The following OPHN1 variants were observed in gnomAD, a reference collection of about 807,000 sequenced individuals.
The protein encoded by OPHN1 is oligophrenin 1.
In OPHN1, 11 loss-of-function variants were observed where a neutral mutation model predicts 60.7. The observed-to-expected ratio is 0.18, with a 90% CI of 0.11 to 0.30. The LOEUF (loss-of-function observed/expected upper bound fraction) is 0.30, where lower values mean the gene tolerates loss of function less well. Ranked by LOEUF, OPHN1 falls within the 10% of genes least tolerant of loss-of-function variation. OPHN1 has a pLI of 1.00. For missense variants in OPHN1, 449 were observed against 611.0 expected (o/e 0.73, Z 2.80); for synonymous variants, 226 against 222.6 (o/e 1.02, Z -0.14).
intron 11 of OPHN1, among the ~76,000 whole-genome samples, chrX:68,198,861 C>T (rs1240547309): frequency 9.0e-6 from 1 of 111,589 alleles, no homozygotes; most frequent in Non-Finnish European, 1.9e-5. Context: ...GGGTTCCTGT[C>T]CTACCTTCTC....
chrX:68,205,300 T>C (rs1253659434), intron 10 of OPHN1, among the ~76,000 whole-genome samples: 1 of 110,234 alleles, frequency 9.1e-6, no homozygotes, highest in African/African-American at 3.3e-5. Context: ...ATACAAAAAT[T>C]AGCTGGGTGT....
Position 68,064,157 on chromosome X carries a change from G to A in OPHN1, c.1855C>T (p.Pro619Ser). ...ATGCTGCTGGTGATAGTACCATTCG[G>A]TGTTTGATGTTGGATTTCATCTAGG... ...ESEDEIQHQT[P>S]NGTITSSIEP... is the part of the protein sequence containing the mutation. The change falls in exon 21 of 25, where the codon CCG (proline) becomes TCG (serine). Residue 619 changes from proline to serine, a missense_variant. Pro to Ser is a moderately conservative substitution (Grantham distance 74, BLOSUM62 -1). Coordinates refer to ENST00000355520, the MANE Select transcript of OPHN1 (RefSeq NM_002547.3). 1 of 1,211,300 alleles carries A rather than the reference G, an allele frequency of 8.3e-7. No homozygotes were observed. Among genetic ancestry groups the A allele is most frequent in the Non-Finnish European group, 1.1e-6 (1 of 895,250 alleles).
chrX:68,244,014 G>A (rs749170892), intron 5 of OPHN1, among the ~76,000 whole-genome samples: 1 of 112,092 alleles, frequency 8.9e-6, no homozygotes, highest in Non-Finnish European at 1.9e-5. Flanking sequence ...CACTGTGCTT[G>A]GGATAAAATC....
At chrX:68,285,716 T>C (rs1015527845) in intron 3 of OPHN1, among the ~76,000 whole-genome samples, 6 of 110,945 alleles carry the variant, frequency 5.4e-5, no homozygotes, top group African/African-American at 2.0e-4. Context: ...CATTATTCTT[T>C]ATTTCCCTCA....
intron 2 of OPHN1, among the ~76,000 whole-genome samples, chrX:68,375,314 G>A (rs999903731): frequency 3.6e-5 from 4 of 111,358 alleles, no homozygotes; most frequent in African/African-American, 6.5e-5. Context: ...CAAACATAGC[G>A]AGAACTGGTC....
At chrX:68,159,927 C>A (rs948120788) in intron 15 of OPHN1, among the ~76,000 whole-genome samples, 11 of 107,994 alleles carry the variant, frequency 1.0e-4, no homozygotes, top group African/African-American at 3.7e-4. Flanking sequence ...GCACCCATGC[C>A]AATAATGACA....
intron 18 of OPHN1, among the ~76,000 whole-genome samples, chrX:68,111,380 C>T (rs2077103350): frequency 8.9e-6 from 1 of 112,571 alleles, no homozygotes; most frequent in South Asian, 3.7e-4. Context: ...CTGTCTGTTA[C>T]TGCCAGCCAC....
rs12381956 is a variant in OPHN1 at position 68,327,806 on chromosome X, A to T, written c.155-28710T>A. 9.2e-3 allele frequency among the ~76,000 whole-genome samples: 663 copies of T among 72,069 alleles called. 16 individuals are homozygous for T. The highest frequency in any genetic ancestry group is 0.029 in the South Asian group (55 of 1,918). 62.6% of individuals were successfully genotyped at this position (72,069 alleles called of 115,157 possible). A position where few individuals can be genotyped will look rare whatever the true frequency, so the allele number is the denominator to read the frequency against. On this transcript the variant is annotated intron_variant, in intron 2 of 24. Coordinates refer to ENST00000355520, the MANE Select transcript of OPHN1 (RefSeq NM_002547.3). ...TAAAAAATAAAAAAAATAAAAAAAA[A>T]AAAAAAAAAAATTTTAAACTTTTTT...
intron 6 of OPHN1, among the ~76,000 whole-genome samples, chrX:68,218,338 A>T (rs1411342653): frequency 9.5e-6 from 1 of 105,372 alleles, no homozygotes. Flanking sequence ...GAATGGAACC[A>T]AGTTGGAAAA....
intron 19 of OPHN1, among the ~76,000 whole-genome samples, chrX:68,074,524 C>T (rs183803908): frequency 9.0e-6 from 1 of 111,204 alleles, no homozygotes; most frequent in African/African-American, 3.3e-5. Context: ...TACATGAGGT[C>T]GTTGCACTGA....
intron 21 of OPHN1, among the ~76,000 whole-genome samples, chrX:68,054,511 G>C (rs955329414): frequency 9.1e-6 from 1 of 110,350 alleles, no homozygotes; most frequent in Non-Finnish European, 1.9e-5. Flanking sequence ...CGTTGATCCA[G>C]TAATTTTGCT....
chrX:68,252,245 A>T (rs1214464840), intron 5 of OPHN1, among the ~76,000 whole-genome samples: 1 of 112,561 alleles, frequency 8.9e-6, no homozygotes, highest in African/African-American at 3.2e-5. Context: ...TAGATGTGTG[A>T]GCCAGAAATA....
intron 2 of OPHN1, among the ~76,000 whole-genome samples, chrX:68,327,081 G>T (rs112804226): frequency 3.9e-5 from 1 of 25,340 alleles, no homozygotes; most frequent in Non-Finnish European, 5.5e-5. Flanking sequence ...GGTGAGGGGC[G>T]CCTCTGCCCG....
chrX:68,132,873 C>A, intron 15 of OPHN1: 1 of 289,027 alleles, frequency 3.5e-6, no homozygotes, highest in Non-Finnish European at 6.1e-6. Flanking sequence ...ACCTGGCGAA[C>A]CAGGCGACGC....
chrX:68,106,313 C>T (rs1005653774), intron 18 of OPHN1, among the ~76,000 whole-genome samples: 2 of 109,081 alleles, frequency 1.8e-5, no homozygotes, highest in African/African-American at 6.7e-5. Flanking sequence ...TAACCCATAC[C>T]CTTCAGAATG....
At chrX:68,366,966 T>G (rs2078501798) in intron 2 of OPHN1, among the ~76,000 whole-genome samples, 1 of 111,343 alleles carries the variant, frequency 9.0e-6, no homozygotes, top group East Asian at 2.8e-4. Context: ...GACGCTACTG[T>G]AAGTTAGGGA....
intron 2 of OPHN1, among the ~76,000 whole-genome samples, chrX:68,397,903 C>G: frequency 9.0e-6 from 1 of 110,882 alleles, no homozygotes; most frequent in Non-Finnish European, 1.9e-5. Flanking sequence ...AGGTGTAACC[C>G]TGTTCTTCCT....
chrX:68,270,204 A>G (rs1426072814), intron 5 of OPHN1, among the ~76,000 whole-genome samples: 1 of 111,306 alleles, frequency 9.0e-6, no homozygotes, highest in Admixed American at 9.5e-5. Flanking sequence ...ATCTAGAACT[A>G]GAAATACCAT....
intron 5 of OPHN1, among the ~76,000 whole-genome samples, chrX:68,247,069 A>T (rs2077809862): frequency 9.0e-6 from 1 of 111,510 alleles, no homozygotes; most frequent in Admixed American, 9.6e-5. Context: ...TCTTTGTACA[A>T]GCTGAGCCCT....
Sources: gnomAD v4.1 joint callset for allele counts (sites outside exome capture counted in the v4.1 genomes callset) on GRCh38, gnomAD v4.1.1 for gene constraint, MANE v1.5 for transcripts, NCBI Gene and HGNC (gene_info 2026-07-23, HGNC 2026-07-21) for gene names.